TUFT1: variants seen among roughly 807,000 people sequenced by gnomAD.
TUFT1 encodes the protein tuftelin 1, also known as tuftelin.
In TUFT1, 43 loss-of-function variants were observed where a neutral mutation model predicts 57.8. That is an observed-to-expected ratio of 0.74 (90% CI 0.58 to 0.96). The LOEUF is 0.96. TUFT1 is among the 40% of genes least tolerant of loss of function. The pLI, the probability that TUFT1 is intolerant of heterozygous loss-of-function variation, is 0.00. For missense variants in TUFT1, 459 were observed against 489.0 expected, an observed-to-expected ratio of 0.94 and a Z score of 0.58; for synonymous variants, 166 against 176.7, an observed-to-expected ratio of 0.94 and a Z score of 0.48.
At chr1:151,581,519 G>T (rs541848838) in intron 12 of TUFT1, 125 bp from the exon 13 acceptor site, 1 of 885,070 alleles carries the variant, frequency 1.1e-6, no homozygotes, top group South Asian at 1.6e-5. Flanking sequence ...TGGAACCCAA[G>T]TGATCAGCCA....
chr1:151,558,026 T>C, intron 1 of TUFT1: 1 of 406,048 alleles, frequency 2.5e-6, no homozygotes. Context: ...GGGAAGGAAA[T>C]CTTGTTGTAT....
rs111979453 is a variant in TUFT1, at chr1:151,544,543, C to T, written c.60+4117C>T. Among the ~76,000 whole-genome samples the T allele has an allele frequency of 1.5e-3, 235 of 152,182 alleles. 2 individuals carry two copies. Among genetic ancestry groups the T allele is most frequent in the African/African-American group, 5.3e-3 (218 of 41,522 alleles). On this transcript the variant is annotated intron_variant, in intron 1 of 12. Transcript: ENST00000368849. ...AACTCCTGACCTCAAATGATCTGCC[C>T]GCTTCGGCCTTCCAAAGTACTGGGA...
chr1:151,562,131 T>C lies in TUFT1; in HGVS notation c.101T>C (p.Leu34Pro). 2 of 1,614,170 alleles carry C rather than the reference T, an allele frequency of 1.2e-6. No individual in the cohort carries two copies. Among genetic ancestry groups the C allele is most frequent in the South Asian group, 1.1e-5 (1 of 91,080 alleles). ...CTCAGGCTGACTCTCCAGGGTGAAC[T>C]GACAGGAGATGAACTTGAACACATA... ...DILRLTLQGE[L>P]TGDELEHIAQ... Residue 34 changes from leucine to proline, a missense_variant, in exon 2 of 13, where the codon CTG (leucine) becomes CCG (proline). Leu to Pro is a moderately conservative substitution (Grantham distance 98). Transcript: ENST00000368849.
chr1:151,566,006 C>G, intron 5 of TUFT1, 157 bp from the exon 6 acceptor site: 131 of 328,212 alleles, frequency 4.0e-4, no homozygotes, highest in East Asian at 1.4e-3. Flanking sequence ...TCCTTTTTCT[C>G]CCTCCCTTTC....
intron 1 of TUFT1, among the ~76,000 whole-genome samples, chr1:151,548,786 CT>C (rs951584861): frequency 1.3e-5 from 2 of 152,160 alleles, no homozygotes; most frequent in African/African-American, 4.8e-5. Flanking sequence ...CCTTTACTTC[CT>C]CTTAGAAAGA....
rs527383089 is a variant in TUFT1 at position 151,559,977 on chromosome 1, G to A, written c.61-2114G>A. On this transcript the variant is annotated intron_variant, in intron 1 of 12. Coordinates refer to ENST00000368849, the MANE Select transcript of TUFT1 (RefSeq NM_020127.3). ...CCTGGCTAATTTTTTTGTATTTTTG[G>A]TAGAGATGGGGTTTCACCATGTTGG... Among the ~76,000 whole-genome samples, 14 of 151,722 alleles carry A rather than the reference G, an allele frequency of 9.2e-5. No homozygotes were observed. The East Asian group carries it at 2.2e-3, about 24-fold the overall frequency.
intron 1 of TUFT1, among the ~76,000 whole-genome samples, chr1:151,544,421 C>T (rs1291176255): frequency 6.6e-6 from 1 of 152,056 alleles, no homozygotes; most frequent in Non-Finnish European, 1.5e-5. Context: ...CTCAGCCTCC[C>T]GAGTAGCTGG....
At chr1:151,541,188 G>A (rs1456934290) in intron 1 of TUFT1, among the ~76,000 whole-genome samples, 1 of 152,152 alleles carries the variant, frequency 6.6e-6, no homozygotes, top group Non-Finnish European at 1.5e-5. Flanking sequence ...AGGGGATGCA[G>A]AACCCGGGCC....
intron 1 of TUFT1, chr1:151,545,805 A>G (rs1289314173): frequency 1.9e-6 from 1 of 532,062 alleles, no homozygotes; most frequent in Non-Finnish European, 3.9e-6. Context: ...GACCTGAGTA[A>G]CCTTTGCTAG....
chr1:151,544,865 G>C (rs1334231759), intron 1 of TUFT1, among the ~76,000 whole-genome samples: 2 of 152,144 alleles, frequency 1.3e-5, no homozygotes, highest in African/African-American at 2.4e-5. Flanking sequence ...TGATTTATCA[G>C]TTTTAGACAT....
intron 7 of TUFT1, 143 bp from the exon 8 acceptor site, chr1:151,574,127 G>A: frequency 1.1e-6 from 1 of 914,056 alleles, no homozygotes; most frequent in South Asian, 1.8e-5. Flanking sequence ...TGAAGGGGAG[G>A]TGGTGGTGAG....
chr1:151,582,684 C>T lies in TUFT1; in HGVS notation c.*977C>T, dbSNP rs141652322. 1.3e-3 allele frequency: 204 copies of T among 154,788 alleles called. 1 individual carries two copies. Among genetic ancestry groups the T allele is most frequent in the Middle Eastern group, 0.01 (3 of 296 alleles). 9.6% of individuals were successfully genotyped at this position (154,788 alleles called of 1,614,324 possible). A position where few individuals can be genotyped will look rare whatever the true frequency, so the allele number is the denominator to read the frequency against. The stretch of plus-strand genomic sequence containing the variant: ...ATGTCAGAGTGACACTATTATGAAT[C>T]TTTCTCTCCCTTTCCTCTGCCTGTT... On this transcript the variant is annotated 3_prime_UTR_variant, in exon 13 of 13. Transcript: ENST00000368849.
intron 1 of TUFT1, chr1:151,545,785 C>A: frequency 1.9e-6 from 1 of 528,520 alleles, no homozygotes. Context: ...ACAGATAGAC[C>A]CAGGGTGAAG....
chr1:151,579,857 G>A, intron 11 of TUFT1, 125 bp downstream of exon 11: 1 of 955,732 alleles, frequency 1.0e-6, no homozygotes, highest in Non-Finnish European at 1.6e-6. Flanking sequence ...GAATACCTAG[G>A]GTGGTTGGTT....
chr1:151,561,979 G>C, intron 1 of TUFT1, 112 bp from the exon 2 acceptor site: 1 of 1,474,192 alleles, frequency 6.8e-7, no homozygotes, highest in Non-Finnish European at 9.4e-7. Flanking sequence ...GTGAAGTGGT[G>C]ATGATAAGAC....
chr1:151,554,619 C>G (rs907008468), intron 1 of TUFT1, among the ~76,000 whole-genome samples: 2 of 141,762 alleles, frequency 1.4e-5, no homozygotes, highest in African/African-American at 5.3e-5. Context: ...AGGCTGGTCT[C>G]GAACTCCTGA....
chr1:151,565,885 A>C, intron 5 of TUFT1: 1 of 320,938 alleles, frequency 3.1e-6, no homozygotes, highest in Non-Finnish European at 6.0e-6. Context: ...GGCCCTTTCA[A>C]GGCCGCATAA....
chr1:151,578,697 C>G (rs1268935392), intron 9 of TUFT1, 24 bp from the exon 10 acceptor site: 1 of 1,538,280 alleles, frequency 6.5e-7, no homozygotes, highest in Non-Finnish European at 8.8e-7. Context: ...TCCATTGCCT[C>G]AGCCTTCTGG....
chr1:151,548,377 A>G (rs1328831174), intron 1 of TUFT1, among the ~76,000 whole-genome samples: 1 of 142,186 alleles, frequency 7.0e-6, no homozygotes, highest in Non-Finnish European at 1.5e-5. Context: ...ATCTTGGCTC[A>G]CTGCAGCCTC....
Sources: gnomAD v4.1 joint callset for allele counts (sites outside exome capture counted in the v4.1 genomes callset) on GRCh38, gnomAD v4.1.1 for gene constraint, MANE v1.5 for transcripts, NCBI Gene and HGNC (gene_info 2026-07-23, HGNC 2026-07-21) for gene names.